Variants in SALL4 observed in about 807,000 individuals in gnomAD.
SALL4 encodes the protein spalt like transcription factor 4.
A neutral mutation model predicts 60.8 loss-of-function variants in SALL4; 4 were observed. The ratio of observed to expected loss-of-function variants is 0.07; its 90% CI spans 0.03 to 0.15. The LOEUF is 0.15. Among genes scored for constraint, SALL4 ranks in the 10% least tolerant of loss-of-function variants. SALL4 has a pLI of 1.00. For missense variants in SALL4, 1,178 were observed against 1,394.7 expected (o/e 0.84, Z 2.48); for synonymous variants, 580 against 574.9 (o/e 1.01, Z -0.13).
chr20:51,801,584 C>T lies in SALL4; in HGVS notation c.130+695G>A. 6.6e-6 allele frequency: 1 copy of T among 152,620 alleles called. No individual in the cohort carries two copies. Among genetic ancestry groups the T allele is most frequent in the Non-Finnish European group, 1.5e-5 (1 of 68,334 alleles). 9.5% of individuals were successfully genotyped at this position (152,620 alleles called of 1,614,324 possible). On this transcript the variant is annotated intron_variant, in intron 1 of 3. Coordinates refer to ENST00000217086, the MANE Select transcript of SALL4 (RefSeq NM_020436.5). This position sits in a 1 kb window ranked among gnomAD's most constrained non-coding sequence, Gnocchi z 5.2. ...GGTTAGGGCGAAGATCGGCAGGCGG[C>T]GCAGCCCGGGCAGAAAAGGCGAAAT...
In SALL4 at chr20:51,783,273, A is replaced by G. The variant is rs963450871; in HGVS notation, c.*992T>C. 3.9e-5 allele frequency: 6 copies of G among 152,140 alleles called. No homozygotes were observed. The South Asian group carries it at 8.3e-4, about 21-fold the overall frequency. The allele number at this position is 152,140 out of a possible 1,614,324, so 9.4% of individuals were successfully genotyped here. On this transcript the variant is annotated 3_prime_UTR_variant, in exon 4 of 4. Transcript: ENST00000217086. ...AAACATTGGCACTCTCGGGGCTCCA[A>G]CTGAACTGTATTTAAATAAGCAGCA...
At position 51,784,252 on chromosome 20, in the gene SALL4, C is replaced by CGCAA; in HGVS notation, c.*9_*12dup. 6.2e-7 allele frequency: 1 copy of CGCAA among 1,613,142 alleles called. No homozygotes were observed. Among genetic ancestry groups the CGCAA allele is most frequent in the Non-Finnish European group, 8.5e-7 (1 of 1,179,972 alleles). On this transcript the variant is annotated 3_prime_UTR_variant, in exon 4 of 4. Coordinates refer to ENST00000217086, the MANE Select transcript of SALL4 (RefSeq NM_020436.5). The stretch of plus-strand genomic sequence containing the variant: ...CACTGTGTCTGCATTGCTCCTTCCA[C>CGCAA]GCAAGTTCTCCCTTAGCTGACCGCA...
intron 1 of SALL4, chr20:51,797,536 T>C (rs1451798857): frequency 2.0e-5 from 3 of 152,070 alleles, no homozygotes; most frequent in Non-Finnish European, 4.4e-5. Flanking sequence ...CAGTAAAAAG[T>C]GCTTCTACAT....
intron 3 of SALL4, among the ~76,000 whole-genome samples, chr20:51,787,334 G>T (rs923939811): frequency 6.6e-6 from 1 of 152,106 alleles, no homozygotes; most frequent in Non-Finnish European, 1.5e-5. Context: ...TGAGGCAGGA[G>T]AATTGCTTGA....
At chr20:51,800,735 C>T (rs1023359182) in intron 1 of SALL4, among the ~76,000 whole-genome samples, 8 of 150,762 alleles carry the variant, frequency 5.3e-5, no homozygotes, top group African/African-American at 2.0e-4. Context: ...CCCCACCCCA[C>T]CCCGCCCCCA....
rs1375187004 is a variant in SALL4 at position 51,783,344 on chromosome 20, G to A, written c.*921C>T. The A allele has an allele frequency of 6.6e-6, 1 of 152,074 alleles. No homozygotes were observed. The highest frequency in any genetic ancestry group is 2.4e-5 in the African/African-American group (1 of 41,416). 9.4% of individuals were successfully genotyped at this position (152,074 alleles called of 1,614,324 possible). A position where few individuals can be genotyped will look rare whatever the true frequency, so the allele number is the denominator to read the frequency against. ...AGGACTAACGTAAGTCCATTTGAGG[G>A]CCTCCTACTTAAGGTTCTAAGGTTG... is the stretch of plus-strand genomic sequence containing the variant. On this transcript the variant is annotated 3_prime_UTR_variant, in exon 4 of 4. Transcript: ENST00000217086.
chr20:51,793,064 G>A, intron 1 of SALL4: 1 of 892,952 alleles, frequency 1.1e-6, no homozygotes, highest in African/African-American at 1.8e-5. Context: ...CAGCAGCAAA[G>A]AAGTAAATTT....
chr20:51,790,408 T>A lies in SALL4; in HGVS notation c.2075A>T (p.Asp692Val). Residue 692 changes from aspartate to valine, a missense_variant, in exon 2 of 4, where the codon GAT (aspartate) becomes GTT (valine). This residue lies in a region of SALL4 where 853 missense variants were observed against 1,036.8 expected (regional missense o/e 0.82). Transcript: ENST00000217086. This position sits in a 1 kb window ranked among gnomAD's most constrained non-coding sequence, Gnocchi z 5.5. ...ICHDDVIESI[D>V]VEEVSSQEAP... ...CTCCTGGGAGCTGACTTCCTCTACA[T>A]CGATGCTTTCGATGACATCATCATG... 1 of 1,614,082 alleles carries A rather than the reference T, an allele frequency of 6.2e-7. No individual in the cohort carries two copies.
In SALL4 at chr20:51,792,307, T is replaced by C. The variant is rs571392321; in HGVS notation, c.176A>G (p.Asp59Gly). 4 of 1,608,428 alleles carry C rather than the reference T, an allele frequency of 2.5e-6. No homozygotes were observed. In the Admixed American group the frequency reaches 6.7e-5, roughly 27 times the overall value. ...ACGAAGCCGCTTTACTGTGGCTTCA[T>C]CCTCACTCGCCACCTCGTCATTCCC... ...HPGNDEVASE[D>G]EATVKRLRRE... The change falls in exon 2 of 4, where the codon GAT (aspartate) becomes GGT (glycine). Residue 59 changes from aspartate to glycine, a missense_variant. Physicochemically the swap from Asp to Gly is moderately conservative, Grantham distance 94. Coordinates refer to ENST00000217086, the MANE Select transcript of SALL4 (RefSeq NM_020436.5).
At position 51,801,618 on chromosome 20, in the gene SALL4, G is replaced by GA; in HGVS notation, c.130+660dup. On this transcript the variant is annotated intron_variant, in intron 1 of 3. Coordinates refer to ENST00000217086, the MANE Select transcript of SALL4 (RefSeq NM_020436.5). This position sits in a 1 kb window ranked among gnomAD's most constrained non-coding sequence, Gnocchi z 5.2. ...GGCAGAAAAGGCGAAATCCAGAAAA[G>GA]AAAAAAATTTTAAAGGGAAACATTG... The GA allele has an allele frequency of 6.5e-6, 1 of 152,690 alleles. No individual in the cohort carries two copies. The highest frequency in any genetic ancestry group is 1.5e-5 in the Non-Finnish European group (1 of 68,362). 9.5% of individuals were successfully genotyped at this position (152,690 alleles called of 1,614,324 possible).
In SALL4 at chr20:51,802,448, GC is replaced by G. The variant is rs74938823; in HGVS notation, c.-41del. On this transcript the variant is annotated 5_prime_UTR_variant, in exon 1 of 4. Transcript: ENST00000217086. ...GGCGCCGGGAGAGCCGCAGTTATTT[GC>G]CCTCTCCGCCACAAATTCCTGGAGT... The G allele has an allele frequency of 3.1e-6, 5 of 1,611,936 alleles. No individual in the cohort carries two copies. The highest frequency in any genetic ancestry group is 4.2e-6 in the Non-Finnish European group (5 of 1,179,646).
intron 3 of SALL4, among the ~76,000 whole-genome samples, chr20:51,787,058 G>T (rs974650830): frequency 6.6e-6 from 1 of 151,890 alleles, no homozygotes; most frequent in African/African-American, 2.4e-5. Context: ...TGGCACCACT[G>T]CACTCCAGCC....
intron 2 of SALL4, 92 bp downstream of exon 2, chr20:51,789,930 G>A (rs1043642529): frequency 2.0e-6 from 3 of 1,528,734 alleles, no homozygotes; most frequent in Admixed American, 3.4e-5. Flanking sequence ...GCTGCTTCAA[G>A]TCATACTCTC....
Position 51,790,164 on chromosome 20 carries a change from C to G in SALL4, c.2319G>C (p.Gln773His). The G allele has an allele frequency of 6.2e-7, 1 of 1,614,168 alleles. No homozygotes were observed. Among genetic ancestry groups the G allele is most frequent in the Non-Finnish European group, 8.5e-7 (1 of 1,180,036 alleles). ...SSSLMGDQEY[Q>H]SRSPDILETT... Reference sequence around the variant, plus strand: ...TTTCCAGGATATCTGGGCTTCGGCTCTGATACTCCTGGTCTCCCATCAGCG... The same window carrying G: ...TTTCCAGGATATCTGGGCTTCGGCTGTGATACTCCTGGTCTCCCATCAGCG... The change falls in exon 2 of 4, where the codon CAG becomes CAC. Residue 773 changes from glutamine to histidine, a missense_variant. By Grantham distance (24) the Gln-to-His change is conservative (BLOSUM62 0). Around this residue, in one of 5 missense-constraint regions of SALL4, gnomAD observed 853 missense variants for 1,036.8 expected, o/e 0.82. Coordinates refer to ENST00000217086, the MANE Select transcript of SALL4 (RefSeq NM_020436.5). The surrounding 1 kb of genome is among the most constrained non-coding windows in gnomAD (Gnocchi z 5.5).
In SALL4 at chr20:51,784,401, T is replaced by C; in HGVS notation, c.3026A>G (p.Asn1009Ser). ...PVSLGATSVV[N>S]NATVSKMDGS... ...ATCCATCTTGGAGACAGTGGCGTTA[T>C]TCACAACGGAGGTGGCCCCCAAGGA... Residue 1009 changes from asparagine (N) to serine (S), a missense_variant, in exon 4 of 4, where the codon AAT becomes AGT. Asn to Ser is a conservative substitution (Grantham distance 46). Transcript: ENST00000217086. The C allele has an allele frequency of 6.2e-7, 1 of 1,614,188 alleles. No individual in the cohort carries two copies. The highest frequency in any genetic ancestry group is 1.6e-4 in the Middle Eastern group (1 of 6,062).
intron 1 of SALL4, among the ~76,000 whole-genome samples, chr20:51,795,237 C>G (rs2078072430): frequency 6.6e-6 from 1 of 152,134 alleles, no homozygotes; most frequent in Non-Finnish European, 1.5e-5. Flanking sequence ...GAAACTCCAT[C>G]TCTACTAACA....
intron 1 of SALL4, among the ~76,000 whole-genome samples, chr20:51,793,919 T>C (rs1361623048): frequency 6.6e-6 from 1 of 152,220 alleles, no homozygotes; most frequent in Non-Finnish European, 1.5e-5. Flanking sequence ...AGGTCTGGCC[T>C]GCCAGAGTTA....
intron 1 of SALL4, chr20:51,792,626 T>C (rs1338243605): frequency 1.2e-5 from 7 of 569,508 alleles, no homozygotes; most frequent in East Asian, 5.2e-5. Context: ...GAGGCAGAGG[T>C]TGCAGTGAGC....
chr20:51,787,405 C>CA (rs1374359511), intron 3 of SALL4, among the ~76,000 whole-genome samples: 1 of 152,148 alleles, frequency 6.6e-6, no homozygotes, highest in Non-Finnish European at 1.5e-5. Context: ...GCCTGGGTGA[C>CA]AGAGCAAAAC....
Sources: gnomAD v4.1 joint callset for allele counts (sites outside exome capture counted in the v4.1 genomes callset) on GRCh38, gnomAD v4.1.1 for gene constraint, gnomAD v4.1.1 regional missense constraint, Gnocchi (gnomAD v3.1) non-coding constraint, MANE v1.5 for transcripts, NCBI Gene and HGNC (gene_info 2026-07-23, HGNC 2026-07-21) for gene names.